The following RAB6B variants were observed in gnomAD, a reference collection of about 807,000 sequenced individuals.
The protein encoded by RAB6B is ras-related protein Rab-6B.
In RAB6B, 7 loss-of-function variants were observed where a neutral mutation model predicts 31.2. That is an observed-to-expected ratio of 0.22 (90% CI 0.13 to 0.42). The LOEUF (loss-of-function observed/expected upper bound fraction) is 0.42. Among genes scored for constraint, RAB6B ranks in the 10% least tolerant of loss-of-function variants. The pLI is 1.00. For missense variants in RAB6B, 149 were observed against 280.6 expected (o/e 0.53, Z 3.35); for synonymous variants, 105 against 104.9 (o/e 1.00, Z -0.01).
intron 1 of RAB6B, among the ~76,000 whole-genome samples, chr3:133,872,084 A>C (rs1258297996): frequency 6.6e-6 from 1 of 152,224 alleles, no homozygotes; most frequent in Non-Finnish European, 1.5e-5. Flanking sequence ...CTGAGCCAGG[A>C]AAAGAATCTC....
At chr3:133,854,484 C>G (rs1307787700) in intron 2 of RAB6B, among the ~76,000 whole-genome samples, 1 of 152,240 alleles carries the variant, frequency 6.6e-6, no homozygotes, top group African/African-American at 2.4e-5. Context: ...GTGCTGGGCA[C>G]ACCTCCTGCA....
intron 1 of RAB6B, among the ~76,000 whole-genome samples, chr3:133,870,767 C>G (rs9836390): frequency 0.66 from 100,403 of 152,122 alleles, 33,503 homozygotes; most frequent in African/African-American, 0.73. Flanking sequence ...AATCCCTTGT[C>G]CTAAAGATGT....
intron 1 of RAB6B, among the ~76,000 whole-genome samples, chr3:133,877,917 C>T (rs1415201931): frequency 1.3e-5 from 2 of 151,796 alleles, no homozygotes; most frequent in Non-Finnish European, 2.9e-5. Flanking sequence ...AACAACTACA[C>T]TGGCTGACAT....
At position 133,854,238 on chromosome 3, in the gene RAB6B, G is replaced by A. The variant is rs181358381; in HGVS notation, c.129+10346C>T. On this transcript the variant is annotated intron_variant, in intron 2 of 7. Coordinates refer to ENST00000285208, the MANE Select transcript of RAB6B (RefSeq NM_016577.4). ...ATGAAAGGCTGACCTTCAGAGAGAC[G>A]GGTTCTAAAGGAGACTACTTCCCTC... is the stretch of plus-strand genomic sequence containing the variant. Among the ~76,000 whole-genome samples the A allele has an allele frequency of 1.3e-3, 196 of 152,298 alleles. 2 individuals carry two copies. Among genetic ancestry groups the A allele is most frequent in the Non-Finnish European group, 2.6e-3 (174 of 68,026 alleles).
In RAB6B at chr3:133,828,355, A is replaced by G; in HGVS notation, c.*433T>C. On this transcript the variant is annotated 3_prime_UTR_variant, in exon 8 of 8. Transcript: ENST00000285208. ...AATTTATTGGGCTGGGGATAGGAGG[A>G]AGGCAGAGGTGATGAATGGTTCAAA... 2.9e-6 allele frequency: 1 copy of G among 350,528 alleles called. No individual in the cohort carries two copies. The highest frequency in any genetic ancestry group is 5.2e-6 in the Non-Finnish European group (1 of 192,794). 21.7% of individuals were successfully genotyped at this position (350,528 alleles called of 1,614,324 possible).
intron 2 of RAB6B, among the ~76,000 whole-genome samples, chr3:133,859,525 T>TCCTA (rs1325798477): frequency 6.6e-6 from 1 of 151,992 alleles, no homozygotes; most frequent in Admixed American, 6.6e-5. Context: ...CATCATTGGG[T>TCCTA]CCTACCTCAC....
chr3:133,882,698 G>A (rs1379675469), intron 1 of RAB6B, among the ~76,000 whole-genome samples: 1 of 152,228 alleles, frequency 6.6e-6, no homozygotes, highest in African/African-American at 2.4e-5. Context: ...AGAGGTGGAA[G>A]GACCAGCAGA....
At chr3:133,892,872 C>A (rs1275520313) in intron 1 of RAB6B, among the ~76,000 whole-genome samples, 1 of 152,204 alleles carries the variant, frequency 6.6e-6, no homozygotes, top group Non-Finnish European at 1.5e-5. Context: ...ACTGTGCAGG[C>A]AAGGTAGAAG....
intron 1 of RAB6B, among the ~76,000 whole-genome samples, chr3:133,872,286 C>A (rs1354224002): frequency 6.6e-6 from 1 of 152,250 alleles, no homozygotes; most frequent in Non-Finnish European, 1.5e-5. Context: ...GTGGGAATTG[C>A]TGGTATAAAT....
chr3:133,830,728 C>T (rs1408310643), intron 7 of RAB6B, among the ~76,000 whole-genome samples: 1 of 152,228 alleles, frequency 6.6e-6, no homozygotes, highest in Non-Finnish European at 1.5e-5. Flanking sequence ...AAACCCAAGG[C>T]TATCTTGACC....
rs1475600762 is a variant in RAB6B, at chr3:133,885,459, A to G, written c.70+9938T>C. 7.2e-6 allele frequency: 5 copies of G among 690,310 alleles called. No individual in the cohort carries two copies. In the Admixed American group the frequency reaches 1.0e-4, roughly 14 times the overall value. The allele number at this position is 690,310 out of a possible 1,614,324, so 42.8% of individuals were successfully genotyped here. On this transcript the variant is annotated intron_variant, in intron 1 of 7. Coordinates refer to ENST00000285208, the MANE Select transcript of RAB6B (RefSeq NM_016577.4). The stretch of plus-strand genomic sequence containing the variant: ...CACATACCCAGTGACCAGAGGACAG[A>G]GGACTTACACACCCAATGACCAGAG...
chr3:133,829,102 A>C (rs1311153268), intron 7 of RAB6B, among the ~76,000 whole-genome samples: 2 of 152,094 alleles, frequency 1.3e-5, no homozygotes, highest in African/African-American at 4.8e-5. Context: ...TGGGATCACC[A>C]TCTATACCAA....
At chr3:133,840,835 C>G (rs182901736) in intron 4 of RAB6B, among the ~76,000 whole-genome samples, 2 of 152,260 alleles carry the variant, frequency 1.3e-5, no homozygotes, top group Admixed American at 1.3e-4. Flanking sequence ...ACCCCCTTGC[C>G]TACCTTCCCA....
chr3:133,836,304 C>A (rs1054938926), intron 6 of RAB6B, among the ~76,000 whole-genome samples: 1 of 152,214 alleles, frequency 6.6e-6, no homozygotes, highest in African/African-American at 2.4e-5. Context: ...ATGGCATTGG[C>A]CCTGGGCGGC....
chr3:133,885,594 G>A (rs1936534760), intron 1 of RAB6B: 1 of 702,908 alleles, frequency 1.4e-6, no homozygotes, highest in Non-Finnish European at 2.6e-6. Context: ...AGAGAGGGAG[G>A]AGTCCGGAAG....
intron 1 of RAB6B, among the ~76,000 whole-genome samples, chr3:133,867,591 A>C (rs1006975847): frequency 1.3e-5 from 2 of 152,198 alleles, no homozygotes; most frequent in African/African-American, 4.8e-5. Context: ...TGGGTTCAGA[A>C]TTCTGCCAGG....
At chr3:133,883,098 C>CT (rs943772538) in intron 1 of RAB6B, among the ~76,000 whole-genome samples, 3 of 152,176 alleles carry the variant, frequency 2.0e-5, no homozygotes, top group African/African-American at 7.2e-5. Context: ...ACAAAGATCA[C>CT]TAGTGCCAAG....
chr3:133,851,325 C>A (rs1316852090), intron 2 of RAB6B, among the ~76,000 whole-genome samples: 1 of 152,174 alleles, frequency 6.6e-6, no homozygotes, highest in African/African-American at 2.4e-5. Context: ...TGAAGCCACA[C>A]AGTTTCTTCA....
At position 133,878,756 on chromosome 3, in the gene RAB6B, C is replaced by T. The variant is rs79871666; in HGVS notation, c.71-14114G>A. Among the ~76,000 whole-genome samples the T allele has an allele frequency of 3.0e-3, 464 of 152,286 alleles. 16 individuals are homozygous for T. The East Asian group carries it at 0.072, about 24-fold the overall frequency. On this transcript the variant is annotated intron_variant, in intron 1 of 7. Coordinates refer to ENST00000285208, the MANE Select transcript of RAB6B (RefSeq NM_016577.4). ...GAGAAATATCTGCTACCCTGTCAGA[C>T]GCTATGCAAACCGGAAGAAAATGAA...
Sources: allele counts gnomAD v4.1 joint callset (sites outside exome capture counted in the v4.1 genomes callset), GRCh38; gene constraint gnomAD v4.1.1; transcripts MANE v1.5; gene names NCBI Gene and HGNC (gene_info 2026-07-23, HGNC 2026-07-21).